CUL7: variants seen among roughly 807,000 people sequenced by gnomAD.
CUL7 encodes the protein cullin-7.
In CUL7, 96 loss-of-function variants were observed where a neutral mutation model predicts 177.7. The ratio of observed to expected loss-of-function variants is 0.54; its 90% CI spans 0.46 to 0.64. The LOEUF (loss-of-function observed/expected upper bound fraction) is 0.64. CUL7 is among the 30% of genes least tolerant of loss of function. The pLI is 0.00. For missense variants in CUL7, 1,893 were observed against 2,187.9 expected (o/e 0.87, Z 2.69); for synonymous variants, 824 against 890.2 (o/e 0.93, Z 1.32).
Position 43,048,268 on chromosome 6 carries a change from A to G in CUL7, c.2064-15T>C, listed in dbSNP as rs367763352. ...GCTTCAGGATTCTGGGGGCAGAGAA[A>G]TGTGTAGCCAGCCTCATGGACCCCC... On this transcript the variant is annotated splice_polypyrimidine_tract_variant and intron_variant, in intron 8 of 25. Transcript: ENST00000265348. 3 of 1,606,124 alleles carry G rather than the reference A, an allele frequency of 1.9e-6. No homozygotes were observed. The highest frequency in any genetic ancestry group is 1.7e-6 in the Non-Finnish European group (2 of 1,172,790).
chr6:43,041,903 T>C (rs372565198), intron 19 of CUL7, among the ~76,000 whole-genome samples: 2 of 141,350 alleles, frequency 1.4e-5, no homozygotes, highest in East Asian at 2.0e-4. Context: ...ACTTGGGAGG[T>C]TGAGGCAGGA....
Position 43,051,000 on chromosome 6 carries a change from G to A in CUL7, c.1201C>T (p.Arg401Trp), listed in dbSNP as rs144228946. The A allele has an allele frequency of 2.1e-5, 34 of 1,613,988 alleles. No individual in the cohort carries two copies. The African/African-American group carries it at 3.1e-4, about 15-fold the overall frequency. Reference protein sequence around the residue: ...EISAGDEGEFRQSNNGVPPVQ... With the variant: ...EISAGDEGEFWQSNNGVPPVQ... Reference sequence around the variant, plus strand: ...GGAGGCACACCGTTGTTGCTCTGCCGAAACTCGCCCTCATCCCCGGCACTG... The same window carrying A: ...GGAGGCACACCGTTGTTGCTCTGCCAAAACTCGCCCTCATCCCCGGCACTG... The change falls in exon 4 of 26, where the codon CGG becomes TGG. Residue 401 changes from arginine (R) to tryptophan (W), a missense_variant. By Grantham distance (101) the Arg-to-Trp change is moderately radical. Around this residue, in one of 5 missense-constraint regions of CUL7, gnomAD observed 653 missense variants for 725.2 expected, o/e 0.90. Coordinates refer to ENST00000265348, the MANE Select transcript of CUL7 (RefSeq NM_014780.5). This position sits in a 1 kb window ranked among gnomAD's most constrained non-coding sequence, Gnocchi z 4.1.
rs1186102478 is a variant in CUL7 at position 43,041,167 on chromosome 6, A to G, written c.3646-92T>C. On this transcript the variant is annotated intron_variant, in intron 19 of 25. Transcript: ENST00000265348. ...ATGAGGGTCTGGAAAGTAGATATGA[A>G]TGCTGGCAGCTTTCTAAGGTGGTTG... 23 of 1,268,524 alleles carry G rather than the reference A, an allele frequency of 1.8e-5. No homozygotes were observed. In the Admixed American group the frequency reaches 4.3e-4, roughly 24 times the overall value. The allele number at this position is 1,268,524 out of a possible 1,614,324, so 78.6% of individuals were successfully genotyped here.
intron 19 of CUL7, 143 bp downstream of exon 19, chr6:43,042,659 T>A: frequency 1.5e-6 from 1 of 665,544 alleles, no homozygotes; most frequent in East Asian, 2.7e-5. Context: ...TTTTTTTCAA[T>A]TTTTTAAACT....
chr6:43,044,177 C>T lies in CUL7; in HGVS notation c.3173-547G>A, dbSNP rs539507423. Among the ~76,000 whole-genome samples the T allele has an allele frequency of 2.5e-4, 38 of 152,218 alleles. No individual in the cohort carries two copies. In the South Asian group the frequency reaches 7.9e-3, roughly 32 times the overall value. ...ATCTCTACTAAAAATACAAAATTAG[C>T]TGGGCATGGTGGCCCATGCCTGTAA... On this transcript the variant is annotated intron_variant, in intron 16 of 25. Coordinates refer to ENST00000265348, the MANE Select transcript of CUL7 (RefSeq NM_014780.5).
intron 15 of CUL7, 22 bp from the exon 16 acceptor site, chr6:43,044,907 G>A: frequency 6.2e-7 from 1 of 1,609,840 alleles, no homozygotes. Flanking sequence ...AATGGAGGAG[G>A]AAGGTGTCAG....
intron 9 of CUL7, among the ~76,000 whole-genome samples, chr6:43,047,520 A>T (rs1000285578): frequency 2.0e-5 from 3 of 152,176 alleles, no homozygotes; most frequent in Non-Finnish European, 4.4e-5. Context: ...ATTATACCCA[A>T]TGAGCCTGCC....
rs772971781 is a variant in CUL7, at chr6:43,043,339, A to T, written c.3355+109T>A. 8 of 1,263,406 alleles carry T rather than the reference A, an allele frequency of 6.3e-6. No homozygotes were observed. The highest frequency in any genetic ancestry group is 8.0e-6 in the Non-Finnish European group (7 of 871,280). The allele number at this position is 1,263,406 out of a possible 1,614,324, so 78.3% of individuals were successfully genotyped here. A position where few individuals can be genotyped will look rare whatever the true frequency, so the allele number is the denominator to read the frequency against. On this transcript the variant is annotated intron_variant, in intron 17 of 25. Coordinates refer to ENST00000265348, the MANE Select transcript of CUL7 (RefSeq NM_014780.5). This position sits in a 1 kb window ranked among gnomAD's most constrained non-coding sequence, Gnocchi z 4.2. ...ACAAACCTGGAAGATGAACAGGCTG[A>T]GCCCATAGGGAGGGGAAGGATGGGG...
Position 43,040,175 on chromosome 6 carries a change from G to A in CUL7, c.4275C>T (p.Tyr1425=). The A allele has an allele frequency of 6.2e-7, 1 of 1,614,156 alleles. No individual in the cohort carries two copies. The highest frequency in any genetic ancestry group is 8.5e-7 in the Non-Finnish European group (1 of 1,180,028). Residue 1425 remains tyrosine, a synonymous_variant, in exon 22 of 26, where the codon TAC becomes TAT. Coordinates refer to ENST00000265348, the MANE Select transcript of CUL7 (RefSeq NM_014780.5). The surrounding 1 kb of genome is among the most constrained non-coding windows in gnomAD (Gnocchi z 4.2). ...PSYLRGTLNR[Y]SNFYNKSQSH... ...GCTCACTCTTGTTGTAGAAGTTGGA[G>A]TATCTGTTCAAAGTGCCCCTCAGGT...
chr6:43,048,204 G>T lies in CUL7; in HGVS notation c.2113C>A (p.His705Asn). The T allele has an allele frequency of 3.7e-6, 6 of 1,614,068 alleles. No homozygotes were observed. Among genetic ancestry groups the T allele is most frequent in the Non-Finnish European group, 5.1e-6 (6 of 1,179,918 alleles). Residue 705 changes from histidine (H) to asparagine (N), a missense_variant, in exon 9 of 26, where the codon CAC (histidine) becomes AAC (asparagine). By Grantham distance (68) the His-to-Asn change is moderately conservative (BLOSUM62 1). This residue lies in a region of CUL7 where 973 missense variants were observed against 1,140.9 expected (regional missense o/e 0.85). Coordinates refer to ENST00000265348, the MANE Select transcript of CUL7 (RefSeq NM_014780.5). ...DFPEALLLPWHEAVDACMACL... is the reference protein window; with the variant it reads ...DFPEALLLPWNEAVDACMACL... ...GCCATGCAGGCATCCACGGCCTCGTGCCAGGGGAGCAGCAGTGCCTCGGGG... is the reference window on the plus strand; with the variant it reads ...GCCATGCAGGCATCCACGGCCTCGTTCCAGGGGAGCAGCAGTGCCTCGGGG...
Position 43,051,416 on chromosome 6 carries a change from G to C in CUL7, c.785C>G (p.Ser262Trp). The change falls in exon 4 of 26, where the codon TCG becomes TGG. Residue 262 changes from serine to tryptophan, a missense_variant. This residue lies in a region of CUL7 where 653 missense variants were observed against 725.2 expected (regional missense o/e 0.90). Transcript: ENST00000265348. The surrounding 1 kb of genome is among the most constrained non-coding windows in gnomAD (Gnocchi z 5.0). The stretch of plus-strand genomic sequence containing the variant: ...ACTGTCGTTCAGCTGATCCAGGAGC[G>C]AGGTGACATGCAAATACCGCTTCAC... Reference protein sequence around the residue: ...SLVKRYLHVTSLLDQLNDSAA... With the variant: ...SLVKRYLHVTWLLDQLNDSAA... The C allele has an allele frequency of 6.2e-7, 1 of 1,614,074 alleles. No individual in the cohort carries two copies. Among genetic ancestry groups the C allele is most frequent in the Non-Finnish European group, 8.5e-7 (1 of 1,180,028 alleles).
At position 43,052,875 on chromosome 6, in the gene CUL7, G is replaced by A; in HGVS notation, c.-8-79C>T. The A allele has an allele frequency of 1.4e-6, 2 of 1,445,482 alleles. No individual in the cohort carries two copies. The highest frequency in any genetic ancestry group is 2.5e-5 in the East Asian group (1 of 40,774). 89.5% of individuals were successfully genotyped at this position (1,445,482 alleles called of 1,614,324 possible). ...AAATCAAAGATATCCAGGAGGTGGG[G>A]AAGCAAATGGCAACAGCTGTCAGGC... On this transcript the variant is annotated intron_variant, in intron 1 of 25. Transcript: ENST00000265348. The surrounding 1 kb of genome is among the most constrained non-coding windows in gnomAD (Gnocchi z 4.5).
In CUL7 at chr6:43,045,209, A is replaced by C. The variant is rs143314106; in HGVS notation, c.3038+18T>G. On this transcript the variant is annotated intron_variant, in intron 15 of 25. Coordinates refer to ENST00000265348, the MANE Select transcript of CUL7 (RefSeq NM_014780.5). The surrounding 1 kb of genome is among the most constrained non-coding windows in gnomAD (Gnocchi z 4.8). ...ACCTTTCCCACAGACACAAGCATACACGCACACTCTCACACACCTAGAACT... is the reference window on the plus strand; with the variant it reads ...ACCTTTCCCACAGACACAAGCATACCCGCACACTCTCACACACCTAGAACT... 333 of 1,611,802 alleles carry C rather than the reference A, an allele frequency of 2.1e-4. No individual in the cohort carries two copies. The highest frequency in any genetic ancestry group is 1.3e-3 in the Middle Eastern group (8 of 6,058).
chr6:43,038,684 A>G lies in CUL7; in HGVS notation c.4449T>C (p.Ser1483=), dbSNP rs778562547. The G allele has an allele frequency of 1.9e-6, 3 of 1,614,150 alleles. No individual in the cohort carries two copies. In the South Asian group the frequency reaches 3.3e-5, roughly 18 times the overall value. The change falls in exon 24 of 26, where the codon TCT becomes TCC. Residue 1483 remains serine, a synonymous_variant. Coordinates refer to ENST00000265348, the MANE Select transcript of CUL7 (RefSeq NM_014780.5). ...CTGAGAACGCCAGCAGACTCTCCACAGAGACCGCCTTCAGAGAACAGATGG... is the reference window on the plus strand; with the variant it reads ...CTGAGAACGCCAGCAGACTCTCCACGGAGACCGCCTTCAGAGAACAGATGG... ...LLYLNDLKAV[S]VESLLAFSGL...
At chr6:43,041,186 G>T in intron 19 of CUL7, 111 bp from the exon 20 acceptor site, 1 of 1,015,630 alleles carries the variant, frequency 9.8e-7, no homozygotes, top group Non-Finnish European at 1.5e-6. Flanking sequence ...GCTTTCTAAG[G>T]TGGTTGGTGC....
intron 19 of CUL7, among the ~76,000 whole-genome samples, chr6:43,042,097 G>GGGAA (rs1382436349): frequency 2.7e-5 from 4 of 150,220 alleles, no homozygotes; most frequent in Non-Finnish European, 5.9e-5. Flanking sequence ...GAGAGAAGGA[G>GGGAA]GGAGGGAAGG....
rs759702629 is a variant in CUL7, at chr6:43,051,108, T to G, written c.1093A>C (p.Ser365Arg). The change falls in exon 4 of 26, where the codon AGT (serine) becomes CGT (arginine). Residue 365 changes from serine to arginine, a missense_variant. Physicochemically the swap from Ser to Arg is moderately radical, Grantham distance 110 (BLOSUM62 -1). Coordinates refer to ENST00000265348, the MANE Select transcript of CUL7 (RefSeq NM_014780.5). The surrounding 1 kb of genome is among the most constrained non-coding windows in gnomAD (Gnocchi z 5.0). ...ACATACAAAGCATAGGTATTGCCAC[T>G]TGCGAACTCAGAACGAGGGCGAAAA... Reference protein sequence around the residue: ...RRFRPRSEFASGNTYALYVRD... With the variant: ...RRFRPRSEFARGNTYALYVRD... 3.1e-6 allele frequency: 5 copies of G among 1,614,042 alleles called. No individual in the cohort carries two copies. The Admixed American group carries it at 8.3e-5, about 27-fold the overall frequency.
Position 43,052,968 on chromosome 6 carries a change from A to G in CUL7, c.-8-172T>C, listed in dbSNP as rs1764557314. Among the ~76,000 whole-genome samples, 1 of 152,108 alleles carries G rather than the reference A, an allele frequency of 6.6e-6. No homozygotes were observed. Among genetic ancestry groups the G allele is most frequent in the South Asian group, 2.1e-4 (1 of 4,820 alleles). ...TGGGTGGGGGCAGGCCTAAGCAGAG[A>G]ACACTGGGGTGTTTGTTGTGAAAGA... On this transcript the variant is annotated intron_variant, in intron 1 of 25. Transcript: ENST00000265348. This position sits in a 1 kb window ranked among gnomAD's most constrained non-coding sequence, Gnocchi z 4.5.
rs773657593 is a variant in CUL7, at chr6:43,037,866, C to G, written c.4919G>C (p.Arg1640Pro). The G allele has an allele frequency of 6.2e-7, 1 of 1,613,704 alleles. No individual in the cohort carries two copies. The change falls in exon 26 of 26, where the codon CGG (arginine) becomes CCG (proline). Residue 1640 changes from arginine to proline, a missense_variant. Around this residue, in one of 5 missense-constraint regions of CUL7, gnomAD observed 248 missense variants for 262.5 expected, o/e 0.94. Transcript: ENST00000265348. ...GACTGCATAGGACAGCACCTGGGGCCGGTCGTCATGGCGTCTCAGCGTGCC... is the reference window on the plus strand; with the variant it reads ...GACTGCATAGGACAGCACCTGGGGCGGGTCGTCATGGCGTCTCAGCGTGCC... The part of the protein sequence containing the change: ...GKGTLRRHDD[R>P]PQVLSYAVPV...
Sources: gnomAD v4.1 joint callset for allele counts (sites outside exome capture counted in the v4.1 genomes callset) on GRCh38, gnomAD v4.1.1 for gene constraint, gnomAD v4.1.1 regional missense constraint, Gnocchi (gnomAD v3.1) non-coding constraint, MANE v1.5 for transcripts, NCBI Gene and HGNC (gene_info 2026-07-23, HGNC 2026-07-21) for gene names.